KITLG: variants seen among roughly 807,000 people sequenced by gnomAD.
KITLG encodes c-Kit ligand.
A neutral mutation model predicts 34.1 loss-of-function variants in KITLG; 13 were observed. That is an observed-to-expected ratio of 0.38 (90% CI 0.25 to 0.61). The LOEUF (loss-of-function observed/expected upper bound fraction) is 0.61. Ranked by LOEUF, KITLG falls within the 20% of genes least tolerant of loss-of-function variation. The pLI is 0.60. For synonymous variants in KITLG, 110 were observed against 104.0 expected (o/e 1.06, Z -0.35); for missense variants, 292 against 318.9 (o/e 0.92, Z 0.64).
At chr12:88,537,135 A>T (rs1870349580) in intron 2 of KITLG, among the ~76,000 whole-genome samples, 2 of 152,136 alleles carry the variant, frequency 1.3e-5, no homozygotes, top group African/African-American at 4.8e-5. Flanking sequence ...CTGGGTGTAT[A>T]TCCAAAATAA....
At chr12:88,558,845 C>CA (rs1313039092) in intron 1 of KITLG, among the ~76,000 whole-genome samples, 3 of 151,980 alleles carry the variant, frequency 2.0e-5, no homozygotes, top group Non-Finnish European at 4.4e-5. Flanking sequence ...AGAAAACAAA[C>CA]AAAACAAAAA....
intron 3 of KITLG, among the ~76,000 whole-genome samples, chr12:88,527,837 A>C (rs1869934875): frequency 6.6e-6 from 1 of 152,212 alleles, no homozygotes; most frequent in Non-Finnish European, 1.5e-5. Flanking sequence ...CAGAAGCATT[A>C]AGAAACATCA....
At chr12:88,575,011 C>T (rs183859501) in intron 1 of KITLG, among the ~76,000 whole-genome samples, 1 of 152,250 alleles carries the variant, frequency 6.6e-6, no homozygotes, top group East Asian at 1.9e-4. Context: ...AATCATAAAA[C>T]AATGGTTATA....
intron 1 of KITLG, among the ~76,000 whole-genome samples, chr12:88,546,731 C>G (rs1870732094): frequency 6.6e-6 from 1 of 152,108 alleles, no homozygotes; most frequent in African/African-American, 2.4e-5. Flanking sequence ...AAAATATATC[C>G]TGATGCTCAA....
At chr12:88,511,911 C>T (rs1344473242) in intron 6 of KITLG, among the ~76,000 whole-genome samples, 1 of 152,126 alleles carries the variant, frequency 6.6e-6, no homozygotes, top group Non-Finnish European at 1.5e-5. Context: ...CTATTCGAAC[C>T]TCCTACCAAA....
At chr12:88,560,149 A>G (rs1487864728) in intron 1 of KITLG, among the ~76,000 whole-genome samples, 1 of 152,246 alleles carries the variant, frequency 6.6e-6, no homozygotes, top group African/African-American at 2.4e-5. Flanking sequence ...ACATAAGACA[A>G]TGTTATGTAA....
rs61924706 is a variant in KITLG, at chr12:88,534,657, G to A, written c.130-2154C>T. On this transcript the variant is annotated intron_variant, in intron 2 of 9. Transcript: ENST00000644744. ...GCTGGGATTACAGTCATGAGCCACC[G>A]TGTCCATTCCATTGCTGCTTATTGA... 1,005 of 511,068 alleles carry A rather than the reference G, an allele frequency of 2.0e-3. 6 individuals carry two copies. Among genetic ancestry groups the A allele is most frequent in the Non-Finnish European group, 2.8e-3 (720 of 257,254 alleles). 31.7% of individuals were successfully genotyped at this position (511,068 alleles called of 1,614,324 possible).
intron 2 of KITLG, among the ~76,000 whole-genome samples, chr12:88,535,771 G>A (rs751225702): frequency 3.9e-5 from 6 of 152,080 alleles, no homozygotes; most frequent in Non-Finnish European, 7.4e-5. Context: ...TGTCATCTTT[G>A]ACAGAGTCAA....
chr12:88,534,153 A>G (rs948847576), intron 2 of KITLG, among the ~76,000 whole-genome samples: 2 of 152,152 alleles, frequency 1.3e-5, no homozygotes, highest in African/African-American at 4.8e-5. Flanking sequence ...CTGAGGCTAG[A>G]AGGGGTCAAG....
At chr12:88,547,014 G>A (rs1870743503) in intron 1 of KITLG, among the ~76,000 whole-genome samples, 2 of 152,158 alleles carry the variant, frequency 1.3e-5, no homozygotes, top group South Asian at 4.1e-4. Context: ...ACTTGCAAGG[G>A]CTGACAAAGA....
chr12:88,494,470 T>C lies in KITLG; in HGVS notation c.*2749A>G, dbSNP rs4842625. 96,646 of 152,192 alleles carry C rather than the reference T, an allele frequency of 0.64. 35,769 individuals are homozygous for C. Among genetic ancestry groups the C allele is most frequent in the Middle Eastern group, 0.84 (247 of 294 alleles). 9.4% of individuals were successfully genotyped at this position (152,192 alleles called of 1,614,324 possible). The stretch of plus-strand genomic sequence containing the variant: ...AATACTTCATTAGGTATGCATATTT[T>C]TTCATAATTTTCTTTTCACATACTT... On this transcript the variant is annotated 3_prime_UTR_variant, in exon 10 of 10. Coordinates refer to ENST00000644744, the MANE Select transcript of KITLG (RefSeq NM_000899.5).
chr12:88,532,326 C>A (rs1870127000), intron 3 of KITLG, 115 bp downstream of exon 3: 1 of 812,940 alleles, frequency 1.2e-6, no homozygotes, highest in Non-Finnish European at 2.0e-6. Context: ...ATAAATTCTT[C>A]AAATCCTGAC....
chr12:88,554,045 A>G (rs1177425297), intron 1 of KITLG, among the ~76,000 whole-genome samples: 1 of 152,224 alleles, frequency 6.6e-6, no homozygotes, highest in Non-Finnish European at 1.5e-5. Context: ...TCCTGAACAC[A>G]GAGCTTTCCT....
At chr12:88,519,795 T>G (rs2120844183) in intron 3 of KITLG, among the ~76,000 whole-genome samples, 1 of 152,186 alleles carries the variant, frequency 6.6e-6, no homozygotes, top group South Asian at 2.1e-4. Context: ...GGCTAATTTT[T>G]AATTTTTTTA....
intron 1 of KITLG, among the ~76,000 whole-genome samples, chr12:88,574,789 G>A (rs1027270889): frequency 2.0e-5 from 3 of 152,138 alleles, no homozygotes; most frequent in Non-Finnish European, 4.4e-5. Context: ...ATCTCCTCTG[G>A]TTAGCTGACT....
intron 6 of KITLG, among the ~76,000 whole-genome samples, chr12:88,512,597 G>A (rs1419209158): frequency 6.6e-6 from 1 of 151,870 alleles, no homozygotes; most frequent in Admixed American, 6.6e-5. Context: ...GCATATTCTA[G>A]CTCAAATGTT....
chr12:88,528,387 G>A (rs1869958282), intron 3 of KITLG, among the ~76,000 whole-genome samples: 1 of 151,986 alleles, frequency 6.6e-6, no homozygotes, highest in African/African-American at 2.4e-5. Flanking sequence ...GCCATGTCAG[G>A]TAATATATTC....
chr12:88,532,606 A>G, intron 2 of KITLG, 103 bp from the exon 3 acceptor site: 2 of 780,684 alleles, frequency 2.6e-6, no homozygotes, highest in African/African-American at 3.5e-5. Flanking sequence ...TGTGCTTTTT[A>G]AAGTTACCAA....
chr12:88,552,176 A>ATT (rs200666559), intron 1 of KITLG, among the ~76,000 whole-genome samples: 30 of 137,326 alleles, frequency 2.2e-4, no homozygotes, highest in South Asian at 1.4e-3. Flanking sequence ...AATTATGATA[A>ATT]TTTTTTTTTT....
Sources: allele counts gnomAD v4.1 joint callset (sites outside exome capture counted in the v4.1 genomes callset), GRCh38; gene constraint gnomAD v4.1.1; transcripts MANE v1.5; gene names NCBI Gene and HGNC (gene_info 2026-07-23, HGNC 2026-07-21).